ARFGEF1: variants seen among roughly 807,000 people sequenced by gnomAD.
The protein encoded by ARFGEF1 is ARF guanine nucleotide exchange factor 1, also known as brefeldin A-inhibited guanine nucleotide-exchange protein 1.
A neutral mutation model predicts 231.0 loss-of-function variants in ARFGEF1; 42 were observed. The observed-to-expected ratio is 0.18, with a 90% CI of 0.14 to 0.24. The LOEUF (loss-of-function observed/expected upper bound fraction) is 0.24, where lower values mean the gene tolerates loss of function less well. ARFGEF1 is among the 10% of genes least tolerant of loss of function. ARFGEF1 has a pLI of 1.00. For synonymous variants in ARFGEF1, 710 were observed against 732.3 expected (o/e 0.97, Z 0.49); for missense variants, 1,345 against 2,192.0 (o/e 0.61, Z 7.72).
chr8:67,184,344 A>G (rs1224648481), intron 5 of ARFGEF1, among the ~76,000 whole-genome samples: 1 of 152,198 alleles, frequency 6.6e-6, no homozygotes, highest in African/African-American at 2.4e-5. Context: ...ACAGGAAATA[A>G]ATAGAGAAAA....
chr8:67,218,205 AAAAT>A (rs1389046055), intron 30 of ARFGEF1, 67 bp from the exon 31 acceptor site: 49 of 155,550 alleles, frequency 3.2e-4, no homozygotes, highest in African/African-American at 9.7e-4. Context: ...AAAAAAAAAA[AAAAT>A]ATATATATAT....
At chr8:67,254,216 G>A (rs1171012862) in intron 17 of ARFGEF1, among the ~76,000 whole-genome samples, 1 of 152,160 alleles carries the variant, frequency 6.6e-6, no homozygotes, top group Non-Finnish European at 1.5e-5. Flanking sequence ...TGATAAAGCT[G>A]TGGAATACAA....
chr8:67,284,582 A>G (rs12678025), intron 7 of ARFGEF1, among the ~76,000 whole-genome samples: 50,166 of 152,054 alleles, frequency 0.33, 8,586 homozygotes, highest in African/African-American at 0.41. Context: ...GAACTTTATA[A>G]GTTTGCTGTT....
intron 38 of ARFGEF1, 55 bp downstream of exon 38, chr8:67,200,341 T>A (rs746807028): frequency 3.6e-5 from 46 of 1,281,602 alleles, no homozygotes; most frequent in Non-Finnish European, 5.0e-5. Flanking sequence ...GGACCCCGCA[T>A]CCCAATGCGA....
At chr8:67,190,532 T>G (rs1385332315) in intron 5 of ARFGEF1, 1 of 716,424 alleles carries the variant, frequency 1.4e-6, no homozygotes. Flanking sequence ...TGTACATACA[T>G]TGAGTGTGTT....
intron 4 of ARFGEF1, among the ~76,000 whole-genome samples, chr8:67,297,455 C>G (rs1050760281): frequency 2.0e-5 from 3 of 152,096 alleles, no homozygotes; most frequent in Admixed American, 2.0e-4. Flanking sequence ...TGCCATATAC[C>G]TGTGGCCCCA....
chr8:67,220,890 TC>T (rs1334094950), intron 29 of ARFGEF1, among the ~76,000 whole-genome samples: 3 of 140,722 alleles, frequency 2.1e-5, no homozygotes, highest in African/African-American at 8.4e-5. Flanking sequence ...TGTCTTTTTT[TC>T]CTTTTCTTTT....
At chr8:67,285,103 G>A (rs1267554985) in intron 7 of ARFGEF1, among the ~76,000 whole-genome samples, 2 of 151,688 alleles carry the variant, frequency 1.3e-5, no homozygotes, top group Non-Finnish European at 2.9e-5. Flanking sequence ...TTTAAAGGGG[G>A]GGGTGGGGCA....
chr8:67,225,125 C>T (rs1055152472), intron 28 of ARFGEF1, 92 bp from the exon 29 acceptor site: 1 of 1,167,082 alleles, frequency 8.6e-7, no homozygotes, highest in African/African-American at 1.6e-5. Flanking sequence ...AAATGCTTCA[C>T]AAATAACCAG....
rs765704267 is a variant in ARFGEF1 at position 67,204,836 on chromosome 8, C to A, written c.4820-17G>T. On this transcript the variant is annotated splice_polypyrimidine_tract_variant and intron_variant, in intron 34 of 38. Transcript: ENST00000262215. ...CTGGAAATTCTGTGAGGAAACCCCC[C>A]CCAATGCACATGCAAACAAAAAATT... 1 of 1,612,044 alleles carries A rather than the reference C, an allele frequency of 6.2e-7. No individual in the cohort carries two copies. Among genetic ancestry groups the A allele is most frequent in the Non-Finnish European group, 8.5e-7 (1 of 1,179,678 alleles).
intron 14 of ARFGEF1, among the ~76,000 whole-genome samples, chr8:67,264,632 A>G (rs2128892900): frequency 6.6e-6 from 1 of 152,262 alleles, no homozygotes; most frequent in East Asian, 1.9e-4. Context: ...GGAGAGAAAC[A>G]GGATAGACTG....
chr8:67,213,400 C>T (rs55983978), intron 33 of ARFGEF1, among the ~76,000 whole-genome samples: 19,095 of 152,048 alleles, frequency 0.13, 2,348 homozygotes, highest in African/African-American at 0.32. Context: ...CAAATTACTT[C>T]CAAAGAATTC....
chr8:67,272,944 C>A (rs1378179915), intron 9 of ARFGEF1, among the ~76,000 whole-genome samples: 1 of 151,808 alleles, frequency 6.6e-6, no homozygotes, highest in African/African-American at 2.4e-5. Context: ...CCTGTCTGTA[C>A]TAAAAATACA....
intron 20 of ARFGEF1, 76 bp from the exon 21 acceptor site, chr8:67,238,969 T>C (rs1839848682): frequency 1.7e-6 from 2 of 1,185,948 alleles, no homozygotes; most frequent in Admixed American, 4.9e-5. Flanking sequence ...ACAAACTCTG[T>C]TTACTTGTTC....
At chr8:67,237,848 TG>T (rs151066390) in intron 22 of ARFGEF1, among the ~76,000 whole-genome samples, 2,300 of 152,296 alleles carry the variant, frequency 0.015, 61 homozygotes, top group African/African-American at 0.053. Context: ...AAAAATGTAT[TG>T]CTTTTCATTC....
At chr8:67,204,344 T>G (rs559834848) in intron 35 of ARFGEF1, among the ~76,000 whole-genome samples, 1 of 152,102 alleles carries the variant, frequency 6.6e-6, no homozygotes, top group Non-Finnish European at 1.5e-5. Context: ...ATCACATGCT[T>G]CTTCTTAAAA....
chr8:67,187,518 C>CA (rs1362257945), intron 5 of ARFGEF1, among the ~76,000 whole-genome samples: 1 of 151,458 alleles, frequency 6.6e-6, no homozygotes, highest in Non-Finnish European at 1.5e-5. Flanking sequence ...CTTGTCTCTA[C>CA]AAAAAAAATA....
At chr8:67,208,074 CT>C (rs916167358) in intron 34 of ARFGEF1, among the ~76,000 whole-genome samples, 11 of 152,316 alleles carry the variant, frequency 7.2e-5, no homozygotes, top group African/African-American at 2.2e-4. Context: ...ATTCTTTCCT[CT>C]TGGCCTTTCT....
At chr8:67,267,856 G>A (rs1331627016) in intron 10 of ARFGEF1, among the ~76,000 whole-genome samples, 1 of 152,014 alleles carries the variant, frequency 6.6e-6, no homozygotes, top group Non-Finnish European at 1.5e-5. Context: ...CTAACTGTTC[G>A]TAGATTTAAA....
Sources: gnomAD v4.1 joint callset for allele counts (sites outside exome capture counted in the v4.1 genomes callset) on GRCh38, gnomAD v4.1.1 for gene constraint, MANE v1.5 for transcripts, NCBI Gene and HGNC (gene_info 2026-07-23, HGNC 2026-07-21) for gene names.